The following ARFGEF3 variants were observed in gnomAD, a reference collection of about 807,000 sequenced individuals.
ARFGEF3 encodes the protein brefeldin A-inhibited guanine nucleotide-exchange protein 3.
ARFGEF3 carries 96 observed loss-of-function variants against 221.7 expected under a neutral mutation model. The ratio of observed to expected loss-of-function variants is 0.43; its 90% CI spans 0.37 to 0.51. The LOEUF (loss-of-function observed/expected upper bound fraction) is 0.51. Among genes scored for constraint, ARFGEF3 ranks in the 20% least tolerant of loss-of-function variants. The pLI is 0.00. For missense variants in ARFGEF3, 2,410 were observed against 2,789.9 expected (o/e 0.86, Z 3.07); for synonymous variants, 1,145 against 1,126.8 (o/e 1.02, Z -0.32).
intron 6 of ARFGEF3, 110 bp downstream of exon 6, chr6:138,238,741 A>C: frequency 3.0e-6 from 3 of 994,696 alleles, no homozygotes; most frequent in Non-Finnish European, 3.0e-6. Flanking sequence ...CAGTAGGAAG[A>C]GCTTGCTTGT....
chr6:138,218,150 T>G (rs749512320), intron 4 of ARFGEF3: 2 of 1,613,910 alleles, frequency 1.2e-6, no homozygotes, highest in Non-Finnish European at 1.7e-6. Context: ...TCTGCAAGGG[T>G]GTGAGAATTG....
rs747221894 is a variant in ARFGEF3, at chr6:138,262,900, G to A, written c.1417G>A (p.Glu473Lys). ...DGAEWSRDSM[E>K]INEADFRWQR... ...GGCTGAGTGGAGCCGAGATTCCATG[G>A]AGATCAATGAGGCTGACTTCCGCTG... Residue 473 changes from glutamate (E) to lysine (K), a missense_variant, in exon 12 of 34, where the codon GAG becomes AAG. Coordinates refer to ENST00000251691, the MANE Select transcript of ARFGEF3 (RefSeq NM_020340.5). 3.1e-6 allele frequency: 5 copies of A among 1,612,770 alleles called. No individual in the cohort carries two copies. The highest frequency in any genetic ancestry group is 4.2e-6 in the Non-Finnish European group (5 of 1,179,282).
At chr6:138,297,260 G>T (rs981580278) in intron 21 of ARFGEF3, among the ~76,000 whole-genome samples, 14 of 152,172 alleles carry the variant, frequency 9.2e-5, no homozygotes, top group Non-Finnish European at 1.2e-4. Flanking sequence ...AAAGACTGTG[G>T]ATGGTTCCTA....
intron 12 of ARFGEF3, among the ~76,000 whole-genome samples, chr6:138,277,994 C>T (rs1779127268): frequency 6.6e-6 from 1 of 152,066 alleles, no homozygotes; most frequent in Non-Finnish European, 1.5e-5. Context: ...ATGCAAAGGC[C>T]CTGCGGCAGG....
chr6:138,255,342 A>G, intron 9 of ARFGEF3, 94 bp from the exon 10 acceptor site: 2 of 874,188 alleles, frequency 2.3e-6, no homozygotes, highest in Non-Finnish European at 3.6e-6. Flanking sequence ...AAAGAGCCGC[A>G]CTCTTGTCAT....
Position 138,338,547 on chromosome 6 carries a change from GC to G in ARFGEF3, c.*2062del. The G allele has an allele frequency of 6.6e-6, 1 of 152,332 alleles. No homozygotes were observed. The highest frequency in any genetic ancestry group is 2.4e-5 in the African/African-American group (1 of 41,576). The allele number at this position is 152,332 out of a possible 1,614,324, so 9.4% of individuals were successfully genotyped here. On this transcript the variant is annotated 3_prime_UTR_variant, in exon 34 of 34. Coordinates refer to ENST00000251691, the MANE Select transcript of ARFGEF3 (RefSeq NM_020340.5). ...ACGGTGGCTCACGCCTGTAATCCCA[GC>G]ACTTACTTTGGGAGGCCAAGGTGGG...
intron 1 of ARFGEF3, among the ~76,000 whole-genome samples, chr6:138,167,152 A>G (rs1020342688): frequency 6.6e-6 from 1 of 152,030 alleles, no homozygotes. Flanking sequence ...ATCACACCCT[A>G]CCAGCTCCAT....
At chr6:138,194,518 C>A (rs983279556) in intron 2 of ARFGEF3, among the ~76,000 whole-genome samples, 9 of 152,218 alleles carry the variant, frequency 5.9e-5, no homozygotes, top group Non-Finnish European at 1.0e-4. Flanking sequence ...CAGGGCAGGG[C>A]AGAGCAATTT....
At position 138,188,668 on chromosome 6, in the gene ARFGEF3, G is replaced by A. The variant is rs531812535; in HGVS notation, c.137+17955G>A. 5.3e-5 allele frequency among the ~76,000 whole-genome samples: 8 copies of A among 152,358 alleles called. 1 individual carries two copies. Among genetic ancestry groups the A allele is most frequent in the Non-Finnish European group, 8.8e-5 (6 of 68,034 alleles). On this transcript the variant is annotated intron_variant, in intron 2 of 33. Coordinates refer to ENST00000251691, the MANE Select transcript of ARFGEF3 (RefSeq NM_020340.5). Reference sequence around the variant, plus strand: ...GTTACAGACAGGCTGAAGGGCACCTGTTGTGCCCACACACAAACCCAACCT... The same window carrying A: ...GTTACAGACAGGCTGAAGGGCACCTATTGTGCCCACACACAAACCCAACCT...
chr6:138,232,333 C>T (rs867816262), intron 5 of ARFGEF3, among the ~76,000 whole-genome samples: 1 of 152,106 alleles, frequency 6.6e-6, no homozygotes, highest in African/African-American at 2.4e-5. Flanking sequence ...ATGGGGAAAC[C>T]CCATCTCTAC....
At chr6:138,325,834 CTGTTGTTTT>C (rs1780117417) in intron 31 of ARFGEF3, among the ~76,000 whole-genome samples, 1 of 152,014 alleles carries the variant, frequency 6.6e-6, no homozygotes, top group Non-Finnish European at 1.5e-5. Context: ...TTCTGTTTTT[CTGTTGTTTT>C]TGTTGTTGTT....
intron 4 of ARFGEF3, among the ~76,000 whole-genome samples, chr6:138,214,747 G>C (rs1312036419): frequency 6.6e-6 from 1 of 152,144 alleles, no homozygotes; most frequent in African/African-American, 2.4e-5. Flanking sequence ...ATATTCCAAG[G>C]ATAGTATTCT....
At chr6:138,300,328 C>T (rs1038980929) in intron 22 of ARFGEF3, among the ~76,000 whole-genome samples, 1 of 152,114 alleles carries the variant, frequency 6.6e-6, no homozygotes, top group Non-Finnish European at 1.5e-5. Flanking sequence ...AACACCTAAA[C>T]GTTAGATCAT....
chr6:138,287,319 G>A (rs988198293), intron 17 of ARFGEF3, 135 bp downstream of exon 17: 17 of 656,582 alleles, frequency 2.6e-5, no homozygotes, highest in South Asian at 5.5e-5. Context: ...CACTGATCAC[G>A]AGATCCCATT....
At chr6:138,333,822 G>T in intron 32 of ARFGEF3, 148 bp from the exon 33 acceptor site, 1 of 859,376 alleles carries the variant, frequency 1.2e-6, no homozygotes, top group Non-Finnish European at 1.7e-6. Context: ...CAAAAAGTAT[G>T]CCTTCTTTCA....
At chr6:138,247,888 T>A (rs1778514277) in intron 8 of ARFGEF3, among the ~76,000 whole-genome samples, 1 of 152,178 alleles carries the variant, frequency 6.6e-6, no homozygotes, top group Non-Finnish European at 1.5e-5. Context: ...GTTAACAGGA[T>A]TCATTTTAGT....
chr6:138,334,160 G>T lies in ARFGEF3; in HGVS notation c.5314G>T (p.Asp1772Tyr), dbSNP rs76821867. ...TATGCAGAACTTGGCAGTCATATTCGACCTGCTGCTGGACTCTTATAGGAC... is the reference window on the plus strand; with the variant it reads ...TATGCAGAACTTGGCAGTCATATTCTACCTGCTGCTGGACTCTTATAGGAC... ...ISMQNLAVIF[D>Y]LLLDSYRTAR... is the part of the protein sequence containing the mutation. Residue 1772 changes from aspartate (D) to tyrosine (Y), a missense_variant, in exon 33 of 34, where the codon GAC (aspartate) becomes TAC (tyrosine). Transcript: ENST00000251691. The surrounding 1 kb of genome is among the most constrained non-coding windows in gnomAD (Gnocchi z 5.1). 3 of 1,613,750 alleles carry T rather than the reference G, an allele frequency of 1.9e-6. No homozygotes were observed.
At chr6:138,285,242 T>G (rs1779264717) in intron 14 of ARFGEF3, among the ~76,000 whole-genome samples, 1 of 150,538 alleles carries the variant, frequency 6.6e-6, no homozygotes, top group Admixed American at 6.8e-5. Context: ...GGCAGGCAGA[T>G]CACAAGGTCA....
intron 31 of ARFGEF3, among the ~76,000 whole-genome samples, chr6:138,325,574 G>A (rs1462440189): frequency 6.6e-6 from 1 of 152,226 alleles, no homozygotes; most frequent in Admixed American, 6.5e-5. Context: ...ATGGCAGTTG[G>A]AGCTGCTGCA....
Sources: gnomAD v4.1 joint callset for allele counts (sites outside exome capture counted in the v4.1 genomes callset) on GRCh38, gnomAD v4.1.1 for gene constraint, Gnocchi (gnomAD v3.1) non-coding constraint, MANE v1.5 for transcripts, NCBI Gene and HGNC (gene_info 2026-07-23, HGNC 2026-07-21) for gene names.